The following TRPM3 variants were observed in gnomAD, a reference collection of about 807,000 sequenced individuals.
The protein encoded by TRPM3 is transient receptor potential cation channel subfamily M member 3.
TRPM3 carries 77 observed loss-of-function variants against 181.2 expected under a neutral mutation model. The observed-to-expected ratio is 0.42, with a 90% CI of 0.35 to 0.51. TRPM3 has a LOEUF of 0.51. TRPM3 is among the 20% of genes least tolerant of loss of function. The pLI is 0.01. For synonymous variants in TRPM3, 745 were observed against 796.4 expected (o/e 0.94, Z 1.09); for missense variants, 1,759 against 2,196.7 (o/e 0.80, Z 3.98).
intron 1 of TRPM3, among the ~76,000 whole-genome samples, chr9:71,174,206 C>G (rs763272350): frequency 6.6e-6 from 1 of 152,118 alleles, no homozygotes; most frequent in Admixed American, 6.6e-5. Flanking sequence ...AAATGGAAGA[C>G]ATCGCAGGAA....
At chr9:71,191,054 C>A (rs2077992235) in intron 1 of TRPM3, among the ~76,000 whole-genome samples, 1 of 151,782 alleles carries the variant, frequency 6.6e-6, no homozygotes, top group South Asian at 2.1e-4. Flanking sequence ...TTACCATAGG[C>A]CCCTACGAGG....
At chr9:70,922,487 T>A (rs1028824937) in intron 1 of TRPM3, among the ~76,000 whole-genome samples, 2 of 152,226 alleles carry the variant, frequency 1.3e-5, no homozygotes, top group South Asian at 2.1e-4. Context: ...TATATCTTCA[T>A]AAAGCTGTTA....
At chr9:71,106,548 C>A (rs1477443251) in intron 1 of TRPM3, among the ~76,000 whole-genome samples, 5 of 152,142 alleles carry the variant, frequency 3.3e-5, no homozygotes, top group African/African-American at 1.2e-4. Flanking sequence ...CACATGCTGG[C>A]CCCAAGCTTC....
intron 1 of TRPM3, among the ~76,000 whole-genome samples, chr9:71,423,267 C>T (rs1201007446): frequency 6.6e-6 from 1 of 152,060 alleles, no homozygotes; most frequent in Admixed American, 6.6e-5. Context: ...GAAAGATCCA[C>T]TAAAAGTTAG....
intron 1 of TRPM3, among the ~76,000 whole-genome samples, chr9:71,170,255 G>A: frequency 6.6e-6 from 1 of 152,196 alleles, no homozygotes; most frequent in East Asian, 1.9e-4. Context: ...ACACGAAGAT[G>A]AAGGGAAGGG....
chr9:71,223,705 C>T (rs2131861557), intron 1 of TRPM3, among the ~76,000 whole-genome samples: 1 of 152,294 alleles, frequency 6.6e-6, no homozygotes, highest in Non-Finnish European at 1.5e-5. Flanking sequence ...GCCCTGGCAG[C>T]ATTCACTACA....
chr9:70,544,586 C>T (rs1379249196), intron 25 of TRPM3, among the ~76,000 whole-genome samples: 1 of 151,978 alleles, frequency 6.6e-6, no homozygotes, highest in Non-Finnish European at 1.5e-5. Flanking sequence ...ACTTAGTTCA[C>T]CTGATCTGTG....
In TRPM3 at chr9:70,546,676, G is replaced by GA. The variant is rs76948604; in HGVS notation, c.3707+2865dup. 0.026 allele frequency among the ~76,000 whole-genome samples: 2,259 copies of GA among 86,344 alleles called. 119 individuals carry two copies. The East Asian group carries it at 0.27, about 10-fold the overall frequency. The allele number at this position is 86,344 out of a possible 152,430, so 56.6% of individuals were successfully genotyped here. On this transcript the variant is annotated intron_variant, in intron 25 of 25. Coordinates refer to ENST00000677713, the MANE Select transcript of TRPM3 (RefSeq NM_001366145.2). ...GCCAAGAGTCCACAACTCCTCATCG[G>GA]AAAAAAAAAAAAAAAAAAGCCAGTC...
chr9:70,955,573 C>G (rs2097059290), intron 1 of TRPM3, among the ~76,000 whole-genome samples: 2 of 151,908 alleles, frequency 1.3e-5, no homozygotes, highest in African/African-American at 4.8e-5. Flanking sequence ...AATTTGAGAC[C>G]CAGATATTTA....
intron 1 of TRPM3, among the ~76,000 whole-genome samples, chr9:71,398,456 G>T (rs947947064): frequency 6.6e-6 from 1 of 152,154 alleles, no homozygotes; most frequent in Non-Finnish European, 1.5e-5. Context: ...CCCAATGTTG[G>T]GGGAGGGACC....
chr9:71,207,976 AC>A (rs1434706293), intron 1 of TRPM3, among the ~76,000 whole-genome samples: 1 of 152,056 alleles, frequency 6.6e-6, no homozygotes, highest in African/African-American at 2.4e-5. Flanking sequence ...TCTACAGTTA[AC>A]CCCTAGAGTG....
chr9:70,579,489 CTAA>C (rs1343536761), intron 22 of TRPM3: 1 of 152,108 alleles, frequency 6.6e-6, no homozygotes, highest in Non-Finnish European at 1.5e-5. Flanking sequence ...TTTGGATGAA[CTAA>C]TGATAAGAAA....
chr9:71,186,855 G>A (rs1002945495), intron 1 of TRPM3, among the ~76,000 whole-genome samples: 3 of 151,930 alleles, frequency 2.0e-5, no homozygotes, highest in African/African-American at 4.8e-5. Context: ...AAAGTCTCTC[G>A]TTATGTCAAC....
At chr9:71,194,875 T>C (rs1205489410) in intron 1 of TRPM3, among the ~76,000 whole-genome samples, 3 of 151,892 alleles carry the variant, frequency 2.0e-5, no homozygotes, top group Non-Finnish European at 4.4e-5. Flanking sequence ...AGCAATCATA[T>C]GTTACCAAAA....
chr9:71,196,261 T>C (rs1249320325), intron 1 of TRPM3, among the ~76,000 whole-genome samples: 1 of 147,496 alleles, frequency 6.8e-6, no homozygotes, highest in East Asian at 2.0e-4. Flanking sequence ...CTTAATTATT[T>C]GTTTTTCTTT....
In TRPM3 at chr9:70,643,809, T is replaced by C. The variant is rs1179814729; in HGVS notation, c.1346-3149A>G. The stretch of plus-strand genomic sequence containing the variant: ...TCCTGGGCATTGCGGTTTTTAAAAG[T>C]TCCCCAATGATTCTAATGTGAGGAT... On this transcript the variant is annotated intron_variant, in intron 9 of 25. Transcript: ENST00000677713. 3.3e-5 allele frequency among the ~76,000 whole-genome samples: 5 copies of C among 152,380 alleles called. No homozygotes were observed. In the South Asian group the frequency reaches 1.0e-3, roughly 32 times the overall value.
chr9:71,300,606 T>TG (rs2086680094), intron 1 of TRPM3, among the ~76,000 whole-genome samples: 1 of 152,140 alleles, frequency 6.6e-6, no homozygotes, highest in Non-Finnish European at 1.5e-5. Flanking sequence ...TTAAAGATGA[T>TG]GCTGGTTTAA....
At chr9:70,923,883 C>T (rs1337810886) in intron 1 of TRPM3, among the ~76,000 whole-genome samples, 1 of 149,544 alleles carries the variant, frequency 6.7e-6, no homozygotes, top group Non-Finnish European at 1.5e-5. Context: ...TATATATACA[C>T]ACACACATAT....
intron 1 of TRPM3, among the ~76,000 whole-genome samples, chr9:71,136,384 A>G (rs927136792): frequency 1.3e-5 from 2 of 152,180 alleles, no homozygotes; most frequent in South Asian, 2.1e-4. Flanking sequence ...GACATCAAAC[A>G]TGGACACTCC....
Sources: allele counts gnomAD v4.1 joint callset (sites outside exome capture counted in the v4.1 genomes callset), GRCh38; gene constraint gnomAD v4.1.1; transcripts MANE v1.5; gene names NCBI Gene and HGNC (gene_info 2026-07-23, HGNC 2026-07-21).